Variants in PSMA1 observed in about 807,000 individuals in gnomAD.
PSMA1 encodes proteasome subunit alpha type-1.
PSMA1 carries 3 observed loss-of-function variants against 38.4 expected under a neutral mutation model. That is an observed-to-expected ratio of 0.08 (90% CI 0.04 to 0.20). PSMA1 has a LOEUF of 0.20. PSMA1 is among the 10% of genes least tolerant of loss of function. The pLI, the probability that PSMA1 is intolerant of heterozygous loss-of-function variation, is 1.00. For missense variants in PSMA1, 227 were observed against 325.3 expected, an observed-to-expected ratio of 0.70 and a Z score of 2.32; for synonymous variants, 101 against 107.1, an observed-to-expected ratio of 0.94 and a Z score of 0.35.
intron 2 of PSMA1, among the ~76,000 whole-genome samples, chr11:14,596,081 C>G (rs1350368291): frequency 1.3e-5 from 2 of 152,190 alleles, no homozygotes; most frequent in Admixed American, 1.3e-4. Context: ...TCTGAAGCCT[C>G]TGTTCTGTTC....
At chr11:14,638,563 A>C (rs1375399480) in intron 1 of PSMA1, among the ~76,000 whole-genome samples, 204 of 13,866 alleles carry the variant, frequency 0.015, no homozygotes, top group Middle Eastern at 0.083. Context: ...ATATATATAT[A>C]TATATATATA....
At chr11:14,639,086 A>T (rs893054502) in intron 1 of PSMA1, among the ~76,000 whole-genome samples, 2 of 152,194 alleles carry the variant, frequency 1.3e-5, no homozygotes, top group Admixed American at 1.3e-4. Flanking sequence ...AAAACTTGAA[A>T]CGGAAAGAGG....
intron 1 of PSMA1, among the ~76,000 whole-genome samples, chr11:14,638,506 CCTCTCTCTCTCTCTCT>C (rs374243163): frequency 4.7e-4 from 15 of 31,910 alleles, no homozygotes; most frequent in African/African-American, 9.9e-4. Flanking sequence ...GAGAAACACA[CCTCTCTCTCTCTCTCT>C]CTCTCTCTCT....
Position 14,519,234 on chromosome 11 carries a change from G to A in PSMA1, c.4-193C>T. The A allele has an allele frequency of 4.6e-6, 3 of 647,958 alleles. 1 individual carries two copies. The highest frequency in any genetic ancestry group is 3.0e-5 in the South Asian group (2 of 66,290). The allele number at this position is 647,958 out of a possible 1,614,324, so 40.1% of individuals were successfully genotyped here. A position where few individuals can be genotyped will look rare whatever the true frequency, so the allele number is the denominator to read the frequency against. Reference sequence around the variant, plus strand: ...TTACCATAAACTCGTGGGAGAGGGAGAAGCAGATCTAAATGGGTCCTATTT... The same window carrying A: ...TTACCATAAACTCGTGGGAGAGGGAAAAGCAGATCTAAATGGGTCCTATTT... On this transcript the variant is annotated intron_variant, in intron 1 of 9. Transcript: ENST00000396394.
At chr11:14,610,615 ATT>A (rs372805718) in intron 2 of PSMA1, among the ~76,000 whole-genome samples, 1 of 151,784 alleles carries the variant, frequency 6.6e-6, no homozygotes, top group African/African-American at 2.4e-5. Context: ...TTTCAGTTAC[ATT>A]TTTTTTCTCT....
chr11:14,529,100 T>C (rs1431634950), intron 2 of PSMA1, among the ~76,000 whole-genome samples: 1 of 141,726 alleles, frequency 7.1e-6, no homozygotes, highest in East Asian at 2.0e-4. Flanking sequence ...ATGATCAGCC[T>C]GGGTGACAAA....
intron 2 of PSMA1, among the ~76,000 whole-genome samples, chr11:14,552,820 C>CTTTT (rs34932699): frequency 2.5e-5 from 3 of 122,024 alleles, no homozygotes; most frequent in Non-Finnish European, 3.3e-5. Context: ...GCTTATATAA[C>CTTTT]TTTTTTTTTT....
chr11:14,515,194 T>C (rs1033013617), intron 4 of PSMA1, among the ~76,000 whole-genome samples: 3 of 152,266 alleles, frequency 2.0e-5, no homozygotes, highest in African/African-American at 7.2e-5. Context: ...AAGCTATTTG[T>C]TCAGTACTTA....
intron 2 of PSMA1, among the ~76,000 whole-genome samples, chr11:14,537,253 G>GA (rs1312860610): frequency 1.3e-5 from 2 of 152,108 alleles, no homozygotes; most frequent in African/African-American, 2.4e-5. Context: ...GCCTTATTTA[G>GA]AAAAAACAAT....
rs546526258 is a variant in PSMA1, at chr11:14,563,899, G to A, written c.22-44858C>T. Among the ~76,000 whole-genome samples the A allele has an allele frequency of 2.0e-5, 3 of 152,154 alleles. No homozygotes were observed. In the East Asian group the frequency reaches 5.8e-4, roughly 29 times the overall value. On this transcript the variant is annotated intron_variant, in intron 2 of 10. Coordinates refer to the PSMA1 transcript ENST00000418988. ...ATTTAGGTGCAATTTTATAATCAAT[G>A]ATTAAATTTAATAAAGTGTTTCTCT...
intron 9 of PSMA1, among the ~76,000 whole-genome samples, chr11:14,505,461 T>C (rs965245705): frequency 6.6e-6 from 1 of 152,200 alleles, no homozygotes. Context: ...GATTTTTTAT[T>C]TAAAAAAAAT....
At chr11:14,612,848 C>T (rs887592971) in intron 1 of PSMA1, among the ~76,000 whole-genome samples, 1 of 152,010 alleles carries the variant, frequency 6.6e-6, no homozygotes. Context: ...AGACCATGTG[C>T]CTATACTTCC....
intron 7 of PSMA1, 76 bp downstream of exon 7, chr11:14,513,494 A>G: frequency 7.9e-7 from 1 of 1,263,826 alleles, no homozygotes; most frequent in African/African-American, 1.6e-5. Context: ...TTATGCATTT[A>G]GGATACTATG....
In PSMA1 at chr11:14,536,756, C is replaced by T. The variant is rs182404680; in HGVS notation, c.22-17715G>A. On this transcript the variant is annotated intron_variant, in intron 2 of 10. Coordinates refer to the PSMA1 transcript ENST00000418988. The stretch of plus-strand genomic sequence containing the variant: ...CCTCCCGAGTAGCTGGGACTACAGG[C>T]GCCCGCCACCACGCCAGGCTAATTT... 1.7e-4 allele frequency among the ~76,000 whole-genome samples: 26 copies of T among 152,084 alleles called. No homozygotes were observed. The East Asian group carries it at 4.7e-3, about 27-fold the overall frequency.
intron 2 of PSMA1, among the ~76,000 whole-genome samples, chr11:14,546,937 C>T (rs987235862): frequency 1.3e-5 from 2 of 152,006 alleles, no homozygotes; most frequent in African/African-American, 4.8e-5. Flanking sequence ...CCAGAACATG[C>T]CTTATGATAA....
intron 2 of PSMA1, among the ~76,000 whole-genome samples, chr11:14,561,805 TAAATTAAAC>T (rs1314369212): frequency 1.4e-5 from 2 of 139,788 alleles, no homozygotes; most frequent in Non-Finnish European, 3.1e-5. Context: ...TAAACTAAAC[TAAATTAAAC>T]TAAACTAAAC....
At chr11:14,505,719 A>C (rs1006868006) in intron 9 of PSMA1, among the ~76,000 whole-genome samples, 3 of 152,186 alleles carry the variant, frequency 2.0e-5, no homozygotes, top group South Asian at 2.1e-4. Flanking sequence ...AAAATAGTCT[A>C]TTTGGTCGGG....
upstream of PSMA1, among the ~76,000 whole-genome samples, chr11:14,525,376 C>T (rs1266702364): frequency 1.3e-5 from 2 of 152,076 alleles, no homozygotes. Context: ...TCTACTCCCT[C>T]CTTGGCGACC....
intron 2 of PSMA1, among the ~76,000 whole-genome samples, chr11:14,539,997 T>G (rs1350470024): frequency 1.3e-5 from 2 of 152,222 alleles, no homozygotes; most frequent in Admixed American, 1.3e-4. Flanking sequence ...TTGCAGCATT[T>G]AGCCTGTAGT....
Sources: gnomAD v4.1 joint callset for allele counts (sites outside exome capture counted in the v4.1 genomes callset) on GRCh38, gnomAD v4.1.1 for gene constraint, MANE v1.5 for transcripts, NCBI Gene and HGNC (gene_info 2026-07-23, HGNC 2026-07-21) for gene names.